The following DTNB variants were observed in gnomAD, a reference collection of about 807,000 sequenced individuals.
The protein encoded by DTNB is dystrobrevin beta, also known as DTN-B.
Under a neutral mutation model 90.7 loss-of-function variants are expected in DTNB, and 63 were observed. That is an observed-to-expected ratio of 0.69 (90% CI 0.57 to 0.86). The LOEUF (loss-of-function observed/expected upper bound fraction) is 0.86, where lower values mean the gene tolerates loss of function less well. DTNB is among the 40% of genes least tolerant of loss of function. DTNB has a pLI of 0.00. For missense variants in DTNB, 744 were observed against 807.1 expected, an observed-to-expected ratio of 0.92 and a Z score of 0.95; for synonymous variants, 277 against 286.7, an observed-to-expected ratio of 0.97 and a Z score of 0.34.
chr2:25,381,277 T>C (rs557430236), intron 19 of DTNB, among the ~76,000 whole-genome samples: 9 of 152,352 alleles, frequency 5.9e-5, no homozygotes, highest in African/African-American at 2.2e-4. Context: ...TCTTCACCTT[T>C]TGCCCTCCTG....
In DTNB at chr2:25,502,825, G is replaced by T. The variant is rs182349378; in HGVS notation, c.1002-19952C>A. On this transcript the variant is annotated intron_variant, in intron 9 of 20. Transcript: ENST00000406818. ...GGCATGAACCCAGGACGCAGAGTTT[G>T]CAGTGAGCTGAGATTGCACCACTGC... Among the ~76,000 whole-genome samples the T allele has an allele frequency of 6.4e-3, 955 of 148,194 alleles. 5 individuals carry two copies. Among genetic ancestry groups the T allele is most frequent in the Non-Finnish European group, 0.011 (732 of 67,418 alleles).
intron 9 of DTNB, among the ~76,000 whole-genome samples, chr2:25,487,173 G>C (rs937291369): frequency 2.6e-5 from 4 of 152,164 alleles, no homozygotes; most frequent in Non-Finnish European, 4.4e-5. Flanking sequence ...ACTGTATATA[G>C]ATGGAGACAA....
chr2:25,462,220 G>A (rs917184126), intron 10 of DTNB, among the ~76,000 whole-genome samples: 1 of 152,158 alleles, frequency 6.6e-6, no homozygotes, highest in African/African-American at 2.4e-5. Flanking sequence ...ATAATATCTC[G>A]TGATGTCAGC....
At chr2:25,480,517 T>C (rs2064726578) in intron 10 of DTNB, among the ~76,000 whole-genome samples, 1 of 152,116 alleles carries the variant, frequency 6.6e-6, no homozygotes, top group South Asian at 2.1e-4. Context: ...GCCTGAGGGG[T>C]AGGCCTCTAC....
chr2:25,566,804 A>C (rs1417540952), intron 8 of DTNB, among the ~76,000 whole-genome samples: 1 of 152,192 alleles, frequency 6.6e-6, no homozygotes, highest in Non-Finnish European at 1.5e-5. Flanking sequence ...AGGGGGTGGA[A>C]GAAATGTGCA....
At chr2:25,421,483 C>T (rs1175415943) in intron 15 of DTNB, among the ~76,000 whole-genome samples, 2 of 152,262 alleles carry the variant, frequency 1.3e-5, no homozygotes, top group African/African-American at 4.8e-5. Context: ...AGTTAGGAAG[C>T]AAGCTCTCTT....
At chr2:25,605,369 C>T (rs1004190696) in intron 5 of DTNB, among the ~76,000 whole-genome samples, 1 of 152,180 alleles carries the variant, frequency 6.6e-6, no homozygotes, top group African/African-American at 2.4e-5. Flanking sequence ...GGCCCGTGGG[C>T]TTTTGCACCA....
chr2:25,419,983 A>G lies in DTNB; in HGVS notation c.1555-448T>C, dbSNP rs571713820. ...TATCGAGGCAAGTGGTTTTTGATGC[A>G]TGGAACACAGACCAGCAGCATCGGC... On this transcript the variant is annotated intron_variant, in intron 15 of 20. Coordinates refer to ENST00000406818, the MANE Select transcript of DTNB (RefSeq NM_021907.5). Among the ~76,000 whole-genome samples, 17 of 152,306 alleles carry G rather than the reference A, an allele frequency of 1.1e-4. No homozygotes were observed. In the South Asian group the frequency reaches 3.5e-3, roughly 32 times the overall value.
At chr2:25,664,191 T>C (rs2083862590) in intron 1 of DTNB, among the ~76,000 whole-genome samples, 1 of 152,230 alleles carries the variant, frequency 6.6e-6, no homozygotes, top group Non-Finnish European at 1.5e-5. Context: ...TTTTCATCAA[T>C]CTGATGAGAT....
intron 9 of DTNB, among the ~76,000 whole-genome samples, chr2:25,529,454 G>C (rs1161692183): frequency 6.6e-6 from 1 of 151,836 alleles, no homozygotes; most frequent in African/African-American, 2.4e-5. Flanking sequence ...AATGTTGAGA[G>C]GCAGGCAAGG....
At chr2:25,635,381 T>A (rs1461905092) in intron 3 of DTNB, among the ~76,000 whole-genome samples, 1 of 152,208 alleles carries the variant, frequency 6.6e-6, no homozygotes, top group East Asian at 1.9e-4. Context: ...GAGCCAAGAT[T>A]GCGCCACTGC....
At chr2:25,570,024 G>A (rs981223736) in intron 8 of DTNB, among the ~76,000 whole-genome samples, 16 of 151,682 alleles carry the variant, frequency 1.1e-4, no homozygotes, top group African/African-American at 3.9e-4. Context: ...TTGAACCTGG[G>A]AAGGGGAGGT....
chr2:25,526,380 TATATATATA>T (rs1240930510), intron 9 of DTNB, among the ~76,000 whole-genome samples: 3 of 52,244 alleles, frequency 5.7e-5, no homozygotes, highest in African/African-American at 2.3e-4. Flanking sequence ...TATATATATA[TATATATATA>T]TATATATTTT....
At chr2:25,434,703 T>C (rs2055113173) in intron 12 of DTNB, among the ~76,000 whole-genome samples, 1 of 152,138 alleles carries the variant, frequency 6.6e-6, no homozygotes, top group Non-Finnish European at 1.5e-5. Flanking sequence ...TATGTATGTT[T>C]TCATTTCTCT....
chr2:25,408,930 C>A (rs952237579), intron 16 of DTNB, among the ~76,000 whole-genome samples: 3 of 152,120 alleles, frequency 2.0e-5, no homozygotes, highest in African/African-American at 7.2e-5. Context: ...TGGAAACAAT[C>A]CCATGCTGAA....
At position 25,673,556 on chromosome 2, in the gene DTNB, G is replaced by T. The variant is rs1467589091; in HGVS notation, c.-172C>A. On this transcript the variant is annotated 5_prime_UTR_variant, in exon 1 of 21. Coordinates refer to ENST00000406818, the MANE Select transcript of DTNB (RefSeq NM_021907.5). ...AGCGCCCGGCTCGCGCCGCTTCTCC[G>T]CCCGGCACGCGCAGCGCCCGCCCCC... is the stretch of plus-strand genomic sequence containing the variant. The T allele has an allele frequency of 6.8e-6, 1 of 147,644 alleles. No individual in the cohort carries two copies. The highest frequency in any genetic ancestry group is 1.5e-5 in the Non-Finnish European group (1 of 66,066). The allele number at this position is 147,644 out of a possible 1,614,324, so 9.1% of individuals were successfully genotyped here.
chr2:25,560,756 G>A (rs913584624), intron 8 of DTNB, among the ~76,000 whole-genome samples: 1 of 152,150 alleles, frequency 6.6e-6, no homozygotes, highest in Non-Finnish European at 1.5e-5. Context: ...TGTTTCTCTA[G>A]AGAATCCTAA....
intron 16 of DTNB, among the ~76,000 whole-genome samples, chr2:25,389,986 C>G (rs957351899): frequency 2.0e-5 from 3 of 152,060 alleles, no homozygotes; most frequent in Non-Finnish European, 4.4e-5. Flanking sequence ...TGTATTTCAA[C>G]CTAAAAATAT....
chr2:25,446,801 T>C (rs142633320), intron 12 of DTNB, among the ~76,000 whole-genome samples: 5 of 152,356 alleles, frequency 3.3e-5, no homozygotes, highest in South Asian at 2.1e-4. Flanking sequence ...TTTGGAAACT[T>C]AGCCATTAAT....
Sources: gnomAD v4.1 joint callset for allele counts (sites outside exome capture counted in the v4.1 genomes callset) on GRCh38, gnomAD v4.1.1 for gene constraint, MANE v1.5 for transcripts, NCBI Gene and HGNC (gene_info 2026-07-23, HGNC 2026-07-21) for gene names.